Variants in NAA50 observed in about 807,000 individuals in gnomAD.
The protein encoded by NAA50 is N-alpha-acetyltransferase 50, NatE catalytic subunit.
In NAA50, 7 loss-of-function variants were observed where a neutral mutation model predicts 20.7. The ratio of observed to expected loss-of-function variants is 0.34; its 90% confidence interval spans 0.19 to 0.63. The LOEUF is 0.63. Among genes scored for constraint, NAA50 ranks in the 30% least tolerant of loss-of-function variants. The probability of loss-of-function intolerance (pLI) is 0.75; values close to 1 mark genes in which losing one functional copy is unlikely to be tolerated. For synonymous variants in NAA50, 54 were observed against 70.6 expected, an observed-to-expected ratio of 0.77 and a Z score of 1.18; for missense variants, 111 against 199.1, an observed-to-expected ratio of 0.56 and a Z score of 2.66.
intron 1 of NAA50, among the ~76,000 whole-genome samples, chr3:113,743,106 C>A (rs1024553372): frequency 5.9e-5 from 9 of 152,022 alleles, no homozygotes; most frequent in Admixed American, 3.3e-4. Flanking sequence ...AGTTAATAAC[C>A]GGAAATTTAT....
chr3:113,745,727 C>T (rs1708485502), intron 1 of NAA50: 3 of 549,630 alleles, frequency 5.5e-6, no homozygotes, highest in Non-Finnish European at 3.1e-6. Flanking sequence ...AACCCTGAAG[C>T]CCCCCGGGTC....
intron 1 of NAA50, among the ~76,000 whole-genome samples, chr3:113,735,938 G>A (rs955075090): frequency 1.3e-5 from 2 of 152,152 alleles, no homozygotes; most frequent in African/African-American, 4.8e-5. Flanking sequence ...CTCTCACCTC[G>A]GCCCCCGAAA....
intron 1 of NAA50, among the ~76,000 whole-genome samples, chr3:113,738,036 C>T (rs1708368982): frequency 6.6e-6 from 1 of 152,206 alleles, no homozygotes; most frequent in Non-Finnish European, 1.5e-5. Context: ...AAAACCCTGA[C>T]TCTATTTCTT....
At chr3:113,745,918 C>T in intron 1 of NAA50, 24 bp downstream of exon 1, 1 of 1,602,948 alleles carries the variant, frequency 6.2e-7, no homozygotes, top group Non-Finnish European at 8.5e-7. Flanking sequence ...ACCGGCCGGG[C>T]CCTGCCCGGC....
intron 3 of NAA50, 143 bp from the exon 4 acceptor site, chr3:113,723,115 GTGT>G: frequency 1.7e-6 from 2 of 1,199,684 alleles, no homozygotes; most frequent in Non-Finnish European, 2.2e-6. Flanking sequence ...TTCCAAAGTT[GTGT>G]TCTCTCTCTA....
chr3:113,739,101 G>A (rs9879760), intron 1 of NAA50, among the ~76,000 whole-genome samples: 50,503 of 151,986 alleles, frequency 0.33, 8,550 homozygotes, highest in East Asian at 0.36. Flanking sequence ...AGGAAATGCC[G>A]TTTATCACCT....
At chr3:113,739,432 A>T (rs1346892231) in intron 1 of NAA50, 2 of 152,226 alleles carry the variant, frequency 1.3e-5, no homozygotes, top group Non-Finnish European at 2.9e-5. Context: ...GTACCTTTTG[A>T]TCCAGAAAAT....
chr3:113,741,060 G>A, intron 1 of NAA50: 2 of 501,966 alleles, frequency 4.0e-6, no homozygotes, highest in South Asian at 1.7e-5. Context: ...AATCTGAACT[G>A]AACAAGCTGT....
At chr3:113,742,821 C>A (rs1157717857) in intron 1 of NAA50, among the ~76,000 whole-genome samples, 1 of 152,114 alleles carries the variant, frequency 6.6e-6, no homozygotes, top group Non-Finnish European at 1.5e-5. Flanking sequence ...TTTATTAGAA[C>A]TAATTTGCAC....
chr3:113,723,872 G>A, intron 2 of NAA50, 87 bp downstream of exon 2: 1 of 1,364,468 alleles, frequency 7.3e-7, no homozygotes, highest in Non-Finnish European at 9.7e-7. Flanking sequence ...AACTAAATTA[G>A]TTAACTTCTT....
chr3:113,738,907 ACCTGGG>A (rs1708378152), intron 1 of NAA50, among the ~76,000 whole-genome samples: 1 of 152,158 alleles, frequency 6.6e-6, no homozygotes, highest in South Asian at 2.1e-4. Flanking sequence ...ATTTCAAATG[ACCTGGG>A]CCCTAATGTC....
chr3:113,734,357 T>G (rs1708311655), intron 1 of NAA50, among the ~76,000 whole-genome samples: 1 of 152,070 alleles, frequency 6.6e-6, no homozygotes, highest in South Asian at 2.1e-4. Context: ...GGTATCATGC[T>G]CACTACCCAG....
chr3:113,724,158 T>C, intron 1 of NAA50, 63 bp from the exon 2 acceptor site: 1 of 1,376,992 alleles, frequency 7.3e-7, no homozygotes, highest in Non-Finnish European at 9.5e-7. Flanking sequence ...TATGAACATA[T>C]GAAAGGGGTA....
intron 1 of NAA50, among the ~76,000 whole-genome samples, chr3:113,739,147 T>A (rs145991991): frequency 9.8e-5 from 15 of 152,338 alleles, no homozygotes; most frequent in African/African-American, 3.6e-4. Context: ...AAGCAAAATG[T>A]GAATATTTAC....
At chr3:113,729,960 G>C (rs1243381672) in intron 1 of NAA50, among the ~76,000 whole-genome samples, 3 of 152,016 alleles carry the variant, frequency 2.0e-5, no homozygotes, top group African/African-American at 4.8e-5. Flanking sequence ...ATAGCATATA[G>C]TTGGATCTTA....
chr3:113,735,070 A>G (rs929898416), intron 1 of NAA50, among the ~76,000 whole-genome samples: 6 of 152,252 alleles, frequency 3.9e-5, no homozygotes, highest in African/African-American at 1.4e-4. Context: ...TTCATAGCAT[A>G]TAACCTTTGA....
rs953548855 is a variant in NAA50, at chr3:113,720,483, T to C, written c.*1277A>G. 7.9e-5 allele frequency: 12 copies of C among 152,648 alleles called. No individual in the cohort carries two copies. Among genetic ancestry groups the C allele is most frequent in the Admixed American group, 7.8e-4 (12 of 15,288 alleles). The allele number at this position is 152,648 out of a possible 1,614,324, so 9.5% of individuals were successfully genotyped here. A position where few individuals can be genotyped will look rare whatever the true frequency, so the allele number is the denominator to read the frequency against. On this transcript the variant is annotated 3_prime_UTR_variant, in exon 5 of 5. Transcript: ENST00000240922. ...AAGCCACTCCGTGTGTGCCGGAAAA[T>C]GATCTGGCATAAACCAGTCCTCTCA...
intron 1 of NAA50, chr3:113,724,553 A>T (rs1422948341): frequency 6.6e-6 from 1 of 152,442 alleles, no homozygotes; most frequent in Non-Finnish European, 1.5e-5. Context: ...TCAGAGTCAC[A>T]GAGGTGATAT....
rs952157956 is a variant in NAA50, at chr3:113,746,102, G to C, written c.-153C>G. The C allele has an allele frequency of 2.7e-5, 26 of 952,394 alleles. No homozygotes were observed. In the South Asian group the frequency reaches 3.6e-4, roughly 13 times the overall value. The allele number at this position is 952,394 out of a possible 1,614,324, so 59.0% of individuals were successfully genotyped here. A position where few individuals can be genotyped will look rare whatever the true frequency, so the allele number is the denominator to read the frequency against. On this transcript the variant is annotated 5_prime_UTR_variant, in exon 1 of 5. Coordinates refer to ENST00000240922, the MANE Select transcript of NAA50 (RefSeq NM_025146.4). ...GCTGTGCGAGCAACGAAGGCCGCGA[G>C]AGTCGAGTGAGGGCTTGAGTCTGGT...
Sources: gnomAD v4.1 joint callset for allele counts (sites outside exome capture counted in the v4.1 genomes callset) on GRCh38, gnomAD v4.1.1 for gene constraint, MANE v1.5 for transcripts, NCBI Gene and HGNC (gene_info 2026-07-23, HGNC 2026-07-21) for gene names.